The following ZBTB38 variants were observed in gnomAD, a reference collection of about 807,000 sequenced individuals.
ZBTB38 encodes zinc finger and BTB domain-containing protein 38.
A neutral mutation model predicts 76.8 loss-of-function variants in ZBTB38; 20 were observed. The ratio of observed to expected loss-of-function variants is 0.26; its 90% CI spans 0.18 to 0.38. The LOEUF (loss-of-function observed/expected upper bound fraction) is 0.38, where lower values mean the gene tolerates loss of function less well. Ranked by LOEUF, ZBTB38 falls within the 10% of genes least tolerant of loss-of-function variation. The pLI, the probability that ZBTB38 is intolerant of heterozygous loss-of-function variation, is 1.00. For synonymous variants in ZBTB38, 504 were observed against 544.2 expected (o/e 0.93, Z 1.03); for missense variants, 1,082 against 1,482.3 (o/e 0.73, Z 4.43).
chr3:141,344,044 G>A (rs1047533295), intron 1 of ZBTB38, among the ~76,000 whole-genome samples: 8 of 152,176 alleles, frequency 5.3e-5, no homozygotes. Flanking sequence ...GTTACCTTAG[G>A]AACCCAGGTG....
At chr3:141,416,782 A>G (rs965351474) in intron 5 of ZBTB38, among the ~76,000 whole-genome samples, 1 of 152,226 alleles carries the variant, frequency 6.6e-6, no homozygotes, top group Non-Finnish European at 1.5e-5. Flanking sequence ...CCATGTGCAG[A>G]TGAAGGCAGA....
intron 1 of ZBTB38, among the ~76,000 whole-genome samples, chr3:141,351,283 T>C (rs530643753): frequency 6.6e-6 from 1 of 152,324 alleles, no homozygotes; most frequent in East Asian, 1.9e-4. Flanking sequence ...TGAATGCTCC[T>C]AATATACAAT....
chr3:141,389,382 G>A (rs1324636077), intron 4 of ZBTB38: 1 of 151,112 alleles, frequency 6.6e-6, no homozygotes, highest in Non-Finnish European at 1.5e-5. Context: ...CAATTATTTT[G>A]GAACGTGATT....
At chr3:141,337,787 C>A (rs1381657025) in intron 1 of ZBTB38, among the ~76,000 whole-genome samples, 5 of 152,108 alleles carry the variant, frequency 3.3e-5, no homozygotes, top group African/African-American at 7.2e-5. Context: ...CACAACAGTC[C>A]TTTGCAGGAG....
intron 5 of ZBTB38, among the ~76,000 whole-genome samples, chr3:141,438,617 C>T (rs531757410): frequency 1.3e-5 from 2 of 152,268 alleles, no homozygotes; most frequent in South Asian, 4.2e-4. Flanking sequence ...TTACCTGGAC[C>T]ACTGTGATGG....
intron 1 of ZBTB38, among the ~76,000 whole-genome samples, chr3:141,336,717 G>A (rs755195155): frequency 6.6e-6 from 1 of 152,088 alleles, no homozygotes; most frequent in African/African-American, 2.4e-5. Flanking sequence ...CTAGGGCCAC[G>A]GTCGGCCTCT....
Position 141,442,262 on chromosome 3 carries a change from A to T in ZBTB38, c.1-127A>T. 1 of 693,054 alleles carries T rather than the reference A, an allele frequency of 1.4e-6. No individual in the cohort carries two copies. Among genetic ancestry groups the T allele is most frequent in the Non-Finnish European group, 2.4e-6 (1 of 416,050 alleles). 42.9% of individuals were successfully genotyped at this position (693,054 alleles called of 1,614,324 possible). On this transcript the variant is annotated intron_variant, in intron 5 of 5. Coordinates refer to ENST00000321464, the MANE Select transcript of ZBTB38 (RefSeq NM_001376113.1). The surrounding 1 kb of genome is among the most constrained non-coding windows in gnomAD (Gnocchi z 6.4). The stretch of plus-strand genomic sequence containing the variant: ...TTGACTCTTGAGTCTCGGGAGCATC[A>T]ACAGAATGAGATAAAAACCTGAAGT...
At chr3:141,407,696 A>G (rs1390648861) in intron 5 of ZBTB38, among the ~76,000 whole-genome samples, 2 of 152,232 alleles carry the variant, frequency 1.3e-5, no homozygotes, top group Non-Finnish European at 2.9e-5. Flanking sequence ...GGGAATCTGC[A>G]TTTTAAACAG....
chr3:141,402,587 A>T (rs1952548979), intron 4 of ZBTB38: 1 of 149,476 alleles, frequency 6.7e-6, no homozygotes, highest in African/African-American at 2.5e-5. Flanking sequence ...GGCTGGGGAA[A>T]CCCTCGCAAG....
At chr3:141,422,759 G>C (rs1438371199) in intron 5 of ZBTB38, among the ~76,000 whole-genome samples, 5 of 152,020 alleles carry the variant, frequency 3.3e-5, no homozygotes, top group Admixed American at 3.3e-4. Context: ...GGGCATGCAG[G>C]GCTCCCCAAA....
intron 5 of ZBTB38, among the ~76,000 whole-genome samples, chr3:141,431,323 C>CAAAAAAA (rs71976494): frequency 1.4e-4 from 14 of 101,394 alleles, no homozygotes; most frequent in African/African-American, 5.3e-4. Context: ...GACTTCGTCT[C>CAAAAAAA]AAAAAAAAAA....
chr3:141,333,754 A>C (rs886403260), intron 1 of ZBTB38, among the ~76,000 whole-genome samples: 1 of 152,154 alleles, frequency 6.6e-6, no homozygotes, highest in African/African-American at 2.4e-5. Flanking sequence ...TGGGTTTTGG[A>C]GCACACACTC....
rs1009908415 is a variant in ZBTB38 at position 141,445,387 on chromosome 3, G to T, written c.2999G>T (p.Arg1000Met). Residue 1000 changes from arginine (R) to methionine (M), a missense_variant, in exon 6 of 6, where the codon AGG (arginine) becomes ATG (methionine). Physicochemically the swap from Arg to Met is moderately conservative, Grantham distance 91 (BLOSUM62 -1). Around this residue, in one of 8 missense-constraint regions of ZBTB38, gnomAD observed 471 missense variants for 581.0 expected, o/e 0.81. Coordinates refer to ENST00000321464, the MANE Select transcript of ZBTB38 (RefSeq NM_001376113.1). This position sits in a 1 kb window ranked among gnomAD's most constrained non-coding sequence, Gnocchi z 6.5. ...DKAVGAGNQG[R>M]PHRHLTSRPY... is the part of the protein sequence containing the mutation. ...GCAGTGGGGGCTGGAAACCAAGGAA[G>T]GCCCCACCGACATCTTACTTCTCGG... is the stretch of plus-strand genomic sequence containing the variant. The T allele has an allele frequency of 6.8e-6, 11 of 1,614,046 alleles. No homozygotes were observed.
intron 5 of ZBTB38, among the ~76,000 whole-genome samples, chr3:141,431,412 G>A (rs747598468): frequency 6.7e-6 from 1 of 149,442 alleles, no homozygotes; most frequent in African/African-American, 2.5e-5. Flanking sequence ...TAGAGACACG[G>A]CACTCAAAAG....
intron 1 of ZBTB38, among the ~76,000 whole-genome samples, chr3:141,327,339 G>A (rs1003726273): frequency 2.6e-5 from 4 of 152,168 alleles, no homozygotes; most frequent in South Asian, 4.1e-4. Flanking sequence ...GGCGATCAAG[G>A]TCAATATCAA....
chr3:141,435,095 T>TGACAGCACCACTGCTGTCC (rs1199055652), intron 5 of ZBTB38, among the ~76,000 whole-genome samples: 1 of 152,150 alleles, frequency 6.6e-6, no homozygotes, highest in African/African-American at 2.4e-5. Flanking sequence ...TGATGAGCCA[T>TGACAGCACCACTGCTGTCC]GACAGCACCA....
rs540354796 is a variant in ZBTB38 at position 141,423,623 on chromosome 3, G to A, written c.1-18766G>A. Among the ~76,000 whole-genome samples the A allele has an allele frequency of 9.9e-5, 15 of 152,282 alleles. No homozygotes were observed. In the East Asian group the frequency reaches 2.7e-3, roughly 27 times the overall value. ...AAGGATGCCCCACAGAAGAGGAAAG[G>A]AAAGCTTGGAACTATCAACTACATT... On this transcript the variant is annotated intron_variant, in intron 5 of 5. Coordinates refer to ENST00000321464, the MANE Select transcript of ZBTB38 (RefSeq NM_001376113.1).
At chr3:141,406,563 G>GGGC (rs1954515385) in intron 5 of ZBTB38, among the ~76,000 whole-genome samples, 1 of 152,170 alleles carries the variant, frequency 6.6e-6, no homozygotes, top group Non-Finnish European at 1.5e-5. Flanking sequence ...AGGCAGAAGG[G>GGGC]GGCTTTGCGC....
At chr3:141,326,827 G>C (rs1004047667) in intron 1 of ZBTB38, among the ~76,000 whole-genome samples, 1 of 152,258 alleles carries the variant, frequency 6.6e-6, no homozygotes, top group East Asian at 1.9e-4. Context: ...CCTCTTGAGG[G>C]GGGTGGTGTC....
Sources: allele counts gnomAD v4.1 joint callset (sites outside exome capture counted in the v4.1 genomes callset), GRCh38; gene constraint gnomAD v4.1.1; regional missense constraint gnomAD v4.1.1; non-coding constraint Gnocchi (gnomAD v3.1); transcripts MANE v1.5; gene names NCBI Gene and HGNC (gene_info 2026-07-23, HGNC 2026-07-21).